Variants in SGTB observed in about 807,000 individuals in gnomAD.
The protein encoded by SGTB is small glutamine-rich tetratricopeptide repeat-containing protein beta.
SGTB carries 19 observed loss-of-function variants against 43.9 expected under a neutral mutation model. That is an observed-to-expected ratio of 0.43 (90% CI 0.30 to 0.63). SGTB has a LOEUF of 0.63. Among genes scored for constraint, SGTB ranks in the 30% least tolerant of loss-of-function variants. SGTB has a pLI of 0.12. For synonymous variants in SGTB, 116 were observed against 117.3 expected (o/e 0.99, Z 0.07); for missense variants, 304 against 358.9 (o/e 0.85, Z 1.24).
chr5:65,665,968 T>A lies in SGTB; in HGVS notation c.*4278A>T, dbSNP rs557915959. The A allele has an allele frequency of 1.3e-5, 2 of 152,576 alleles. No homozygotes were observed. Among genetic ancestry groups the A allele is most frequent in the Admixed American group, 1.3e-4 (2 of 15,274 alleles). 9.5% of individuals were successfully genotyped at this position (152,576 alleles called of 1,614,324 possible). On this transcript the variant is annotated 3_prime_UTR_variant, in exon 11 of 11. Coordinates refer to ENST00000381007, the MANE Select transcript of SGTB (RefSeq NM_019072.3). ...ATCATTATTTATTGCCATAACAAATTGTTTGGTCCAAAATGAAAGCTATAT... is the reference window on the plus strand; with the variant it reads ...ATCATTATTTATTGCCATAACAAATAGTTTGGTCCAAAATGAAAGCTATAT...
At chr5:65,684,035 G>A (rs1757451001) in intron 6 of SGTB, among the ~76,000 whole-genome samples, 1 of 151,732 alleles carries the variant, frequency 6.6e-6, no homozygotes, top group Non-Finnish European at 1.5e-5. Flanking sequence ...CTGAGAAGTG[G>A]GATGGTGGCT....
At chr5:65,701,199 T>C (rs1757810521) in intron 5 of SGTB, among the ~76,000 whole-genome samples, 1 of 151,958 alleles carries the variant, frequency 6.6e-6, no homozygotes, top group Non-Finnish European at 1.5e-5. Flanking sequence ...CTCAGAAAGG[T>C]GTGACTACCC....
chr5:65,683,207 C>G (rs1291939736), intron 6 of SGTB, among the ~76,000 whole-genome samples: 1 of 150,712 alleles, frequency 6.6e-6, no homozygotes, highest in Non-Finnish European at 1.5e-5. Context: ...AAATAAAAGG[C>G]ACAAAAATAC....
At chr5:65,708,856 T>C (rs1579882344) in intron 3 of SGTB, among the ~76,000 whole-genome samples, 1 of 151,778 alleles carries the variant, frequency 6.6e-6, no homozygotes, top group East Asian at 1.9e-4. Flanking sequence ...GCCTGGGCAA[T>C]ATGGTGAAAC....
At chr5:65,704,183 CA>C (rs1192551472) in intron 5 of SGTB, 95 bp downstream of exon 5, 1 of 942,602 alleles carries the variant, frequency 1.1e-6, no homozygotes, top group Admixed American at 3.5e-5. Context: ...TCTGAACTTT[CA>C]AAATTTTCTA....
chr5:65,701,845 G>A (rs919130394), intron 5 of SGTB, among the ~76,000 whole-genome samples: 7 of 152,170 alleles, frequency 4.6e-5, no homozygotes, highest in Admixed American at 1.3e-4. Context: ...GTGTTAGCCA[G>A]GATGGTCTCG....
intron 5 of SGTB, among the ~76,000 whole-genome samples, chr5:65,695,462 C>A (rs1289291708): frequency 6.6e-6 from 1 of 152,136 alleles, no homozygotes; most frequent in Non-Finnish European, 1.5e-5. Flanking sequence ...AGAAGACAGG[C>A]TATATTTGAA....
At chr5:65,677,397 T>C (rs923174455) in intron 8 of SGTB, among the ~76,000 whole-genome samples, 4 of 150,174 alleles carry the variant, frequency 2.7e-5, no homozygotes, top group Non-Finnish European at 5.9e-5. Flanking sequence ...ACAGCTGAAT[T>C]CTACCAGAGG....
At chr5:65,713,616 C>CA (rs1012733108) in intron 2 of SGTB, among the ~76,000 whole-genome samples, 85 of 152,312 alleles carry the variant, frequency 5.6e-4, no homozygotes, top group African/African-American at 2.0e-3. Flanking sequence ...CCACACCTAG[C>CA]AACAACTGGA....
At chr5:65,680,203 C>T (rs1341872126) in intron 8 of SGTB, among the ~76,000 whole-genome samples, 2 of 152,112 alleles carry the variant, frequency 1.3e-5, no homozygotes, top group Admixed American at 1.3e-4. Flanking sequence ...GGAAGGATCA[C>T]GAAGAACAGC....
intron 2 of SGTB, among the ~76,000 whole-genome samples, chr5:65,717,124 C>G (rs938093779): frequency 4.6e-5 from 7 of 151,718 alleles, no homozygotes; most frequent in African/African-American, 1.5e-4. Flanking sequence ...GAGAACTGAC[C>G]ATTAAATTAA....
At chr5:65,691,896 AC>A (rs1757620975) in intron 5 of SGTB, among the ~76,000 whole-genome samples, 2 of 150,106 alleles carry the variant, frequency 1.3e-5, no homozygotes, top group Non-Finnish European at 3.0e-5. Flanking sequence ...GCGCCACTGC[AC>A]CCCAGCCTGG....
rs1372340656 is a variant in SGTB at position 65,668,143 on chromosome 5, G to GGTTTCACCATGTTGGCCAGGCT, written c.*2081_*2102dup. 1 of 151,550 alleles carries GGTTTCACCATGTTGGCCAGGCT rather than the reference G, an allele frequency of 6.6e-6. No individual in the cohort carries two copies. The highest frequency in any genetic ancestry group is 2.4e-5 in the African/African-American group (1 of 41,304). The allele number at this position is 151,550 out of a possible 1,614,324, so 9.4% of individuals were successfully genotyped here. On this transcript the variant is annotated 3_prime_UTR_variant, in exon 11 of 11. Transcript: ENST00000381007. ...AATTTTTGTATTTTCAGTAGAGGTG[G>GGTTTCACCATGTTGGCCAGGCT]GTTTCACCATGTTGGCCAGGCTGGT...
chr5:65,707,744 T>A (rs553683558), intron 4 of SGTB, among the ~76,000 whole-genome samples: 64 of 152,230 alleles, frequency 4.2e-4, no homozygotes, highest in African/African-American at 1.4e-3. Flanking sequence ...TGATATATAT[T>A]TTTTTAACTC....
At chr5:65,717,051 G>A (rs1758166930) in intron 2 of SGTB, among the ~76,000 whole-genome samples, 1 of 151,986 alleles carries the variant, frequency 6.6e-6, no homozygotes, top group Admixed American at 6.6e-5. Context: ...GGTGGTGGGG[G>A]TCATTTCATG....
intron 5 of SGTB, among the ~76,000 whole-genome samples, chr5:65,699,655 C>T (rs999385096): frequency 1.3e-5 from 2 of 152,206 alleles, no homozygotes; most frequent in Non-Finnish European, 2.9e-5. Flanking sequence ...TTAGTAGAGA[C>T]AGGATTTCAT....
At chr5:65,699,707 C>T (rs1604968) in intron 5 of SGTB, among the ~76,000 whole-genome samples, 1 of 152,228 alleles carries the variant, frequency 6.6e-6, no homozygotes, top group African/African-American at 2.4e-5. Flanking sequence ...ATCCATCCGC[C>T]TCAGCCTTCC....
chr5:65,672,110 A>C, intron 9 of SGTB, 112 bp from the exon 10 acceptor site: 3 of 1,565,612 alleles, frequency 1.9e-6, no homozygotes, highest in Non-Finnish European at 2.6e-6. Context: ...GGCTAGGCCA[A>C]ATGTGTGTGG....
chr5:65,719,829 A>G (rs1349723787), intron 2 of SGTB, among the ~76,000 whole-genome samples: 1 of 152,212 alleles, frequency 6.6e-6, no homozygotes, highest in Non-Finnish European at 1.5e-5. Flanking sequence ...CGTAAAACAC[A>G]GGTGAAATGC....
Sources: gnomAD v4.1 joint callset for allele counts (sites outside exome capture counted in the v4.1 genomes callset) on GRCh38, gnomAD v4.1.1 for gene constraint, MANE v1.5 for transcripts, NCBI Gene and HGNC (gene_info 2026-07-23, HGNC 2026-07-21) for gene names.